The following ATP2B2 variants were observed in gnomAD, a reference collection of about 807,000 sequenced individuals.
The protein encoded by ATP2B2 is ATPase plasma membrane Ca2+ transporting 2.
A neutral mutation model predicts 120.0 loss-of-function variants in ATP2B2; 15 were observed. The ratio of observed to expected loss-of-function variants is 0.12; its 90% CI spans 0.08 to 0.19. ATP2B2 has a LOEUF of 0.19. Among genes scored for constraint, ATP2B2 ranks in the 10% least tolerant of loss-of-function variants. ATP2B2 has a pLI of 1.00. For missense variants in ATP2B2, 1,045 were observed against 1,719.8 expected (o/e 0.61, Z 6.94); for synonymous variants, 694 against 700.3 (o/e 0.99, Z 0.14).
intron 1 of ATP2B2, among the ~76,000 whole-genome samples, chr3:10,702,890 G>C (rs2071839886): frequency 6.6e-6 from 1 of 152,030 alleles, no homozygotes; most frequent in Non-Finnish European, 1.5e-5. Context: ...TGAGATTAGC[G>C]GAGGCTTGTG....
intron 2 of ATP2B2, among the ~76,000 whole-genome samples, chr3:10,566,702 A>G (rs55903905): frequency 0.02 from 3,084 of 152,370 alleles, 55 homozygotes; most frequent in Admixed American, 0.04. Context: ...ATCACTGGAA[A>G]TGTGACAGTT....
chr3:10,422,204 G>T (rs187744075), intron 2 of ATP2B2, among the ~76,000 whole-genome samples: 324 of 152,322 alleles, frequency 2.1e-3, no homozygotes, highest in African/African-American at 7.0e-3. Flanking sequence ...TGCTGAGGTT[G>T]CCCAGATGCT....
intron 8 of ATP2B2, among the ~76,000 whole-genome samples, chr3:10,380,806 A>T (rs368373894): frequency 6.6e-6 from 1 of 152,338 alleles, no homozygotes; most frequent in Non-Finnish European, 1.5e-5. Context: ...CCACTTTCAT[A>T]AAACAGGATG....
intron 1 of ATP2B2, among the ~76,000 whole-genome samples, chr3:10,652,507 G>A (rs999843318): frequency 2.2e-4 from 33 of 152,152 alleles, no homozygotes; most frequent in African/African-American, 7.5e-4. Flanking sequence ...GGGAGGTCTT[G>A]GTGCATAAGT....
chr3:10,504,383 A>G (rs2066517970), intron 1 of ATP2B2, among the ~76,000 whole-genome samples: 1 of 152,116 alleles, frequency 6.6e-6, no homozygotes, highest in African/African-American at 2.4e-5. Context: ...AATGCAGGAG[A>G]GGAGGGAGCC....
chr3:10,424,824 A>G (rs935865256), intron 2 of ATP2B2, among the ~76,000 whole-genome samples: 1 of 152,240 alleles, frequency 6.6e-6, no homozygotes, highest in Non-Finnish European at 1.5e-5. Context: ...CCACTTATGT[A>G]AAACAGAAAA....
chr3:10,631,459 G>T (rs1231107119), intron 1 of ATP2B2, among the ~76,000 whole-genome samples: 1 of 152,236 alleles, frequency 6.6e-6, no homozygotes, highest in Admixed American at 6.5e-5. Flanking sequence ...AGGTCACACA[G>T]TTGGCAAGTG....
intron 1 of ATP2B2, among the ~76,000 whole-genome samples, chr3:10,465,496 C>T (rs1172651101): frequency 6.6e-6 from 1 of 152,260 alleles, no homozygotes; most frequent in Admixed American, 6.5e-5. Flanking sequence ...TCAAAATTCT[C>T]CTGAATCCCA....
intron 12 of ATP2B2, 99 bp downstream of exon 12, chr3:10,371,710 G>A: frequency 6.4e-7 from 1 of 1,570,872 alleles, no homozygotes; most frequent in South Asian, 1.1e-5. Context: ...ATATTAGCAG[G>A]ATTTGAGACT....
At chr3:10,426,624 C>T (rs1296088020) in intron 2 of ATP2B2, among the ~76,000 whole-genome samples, 3 of 152,214 alleles carry the variant, frequency 2.0e-5, no homozygotes, top group Admixed American at 2.0e-4. Context: ...CAATCTCCAG[C>T]CTGGGCCTCA....
intron 1 of ATP2B2, among the ~76,000 whole-genome samples, chr3:10,467,984 C>A (rs73018787): frequency 9.9e-5 from 15 of 152,160 alleles, no homozygotes; most frequent in South Asian, 4.1e-4. Context: ...GGGAATGGCC[C>A]GACCAGGATT....
Position 10,375,690 on chromosome 3 carries a change from G to A in ATP2B2, c.1202-46C>T, listed in dbSNP as rs1209605681. On this transcript the variant is annotated intron_variant, in intron 10 of 22. Transcript: ENST00000360273. The surrounding 1 kb of genome is among the most constrained non-coding windows in gnomAD (Gnocchi z 4.2). ...GCTTGGGGGGTTCCAGGAAGTGGAG[G>A]CTGGGGGTGGTGTGGACCAAATCTT... The A allele has an allele frequency of 6.4e-7, 1 of 1,570,064 alleles. No homozygotes were observed. The highest frequency in any genetic ancestry group is 8.7e-7 in the Non-Finnish European group (1 of 1,144,258).
intron 5 of ATP2B2, 130 bp downstream of exon 5, chr3:10,400,823 G>A (rs1287409006): frequency 2.1e-6 from 3 of 1,412,870 alleles, no homozygotes; most frequent in Admixed American, 3.6e-5. Flanking sequence ...TCTCACTTGG[G>A]GCTGAGCTGG....
At chr3:10,587,260 A>G (rs938271334) in intron 2 of ATP2B2, among the ~76,000 whole-genome samples, 3 of 151,704 alleles carry the variant, frequency 2.0e-5, no homozygotes, top group African/African-American at 7.3e-5. Context: ...AGCCGTGATC[A>G]TACCCCTGCA....
intron 3 of ATP2B2, among the ~76,000 whole-genome samples, chr3:10,528,971 T>A (rs190595179): frequency 1.3e-5 from 2 of 152,258 alleles, no homozygotes; most frequent in Admixed American, 1.3e-4. Context: ...ATGAGATGAC[T>A]TGGGAGGAAA....
intron 2 of ATP2B2, among the ~76,000 whole-genome samples, chr3:10,594,856 C>T (rs1177062725): frequency 6.6e-6 from 1 of 152,158 alleles, no homozygotes; most frequent in Non-Finnish European, 1.5e-5. Context: ...TCATCACCCC[C>T]ATTTTATAGA....
Position 10,700,615 on chromosome 3 carries a change from T to C in ATP2B2, c.-460+7300A>G, listed in dbSNP as rs75139350. The stretch of plus-strand genomic sequence containing the variant: ...AACACTAACATTTTTGGCATCATTC[T>C]TGAAGGAATGAAAAGACTCAAAAAC... On this transcript the variant is annotated intron_variant, in intron 1 of 21. Transcript: ENST00000646379. 3.1e-3 allele frequency among the ~76,000 whole-genome samples: 471 copies of C among 152,342 alleles called. 4 individuals are homozygous for C. Among genetic ancestry groups the C allele is most frequent in the African/African-American group, 0.011 (447 of 41,586 alleles).
intron 2 of ATP2B2, among the ~76,000 whole-genome samples, chr3:10,549,051 C>T (rs918671082): frequency 4.6e-5 from 7 of 152,138 alleles, no homozygotes. Context: ...TGAGGGTACA[C>T]TGATTAAATG....
At chr3:10,408,813 C>T (rs2062507995) in intron 3 of ATP2B2, among the ~76,000 whole-genome samples, 1 of 152,196 alleles carries the variant, frequency 6.6e-6, no homozygotes, top group African/African-American at 2.4e-5. Flanking sequence ...TATCTGAGTT[C>T]TAATCTTGTA....
Sources: gnomAD v4.1 joint callset for allele counts (sites outside exome capture counted in the v4.1 genomes callset) on GRCh38, gnomAD v4.1.1 for gene constraint, Gnocchi (gnomAD v3.1) non-coding constraint, MANE v1.5 for transcripts, NCBI Gene and HGNC (gene_info 2026-07-23, HGNC 2026-07-21) for gene names.